Variants in TENM4 observed in about 807,000 individuals in gnomAD.
TENM4 encodes teneurin transmembrane protein 4.
A neutral mutation model predicts 243.3 loss-of-function variants in TENM4; 82 were observed. That is an observed-to-expected ratio of 0.34 (90% confidence interval 0.28 to 0.40). The LOEUF (loss-of-function observed/expected upper bound fraction) is 0.40. Ranked by LOEUF, TENM4 falls within the 10% of genes least tolerant of loss-of-function variation. The pLI is 1.00. For synonymous variants in TENM4, 1,412 were observed against 1,456.3 expected (o/e 0.97, Z 0.69); for missense variants, 3,138 against 3,673.3 (o/e 0.85, Z 3.77).
chr11:78,803,218 C>G (rs1365856621), intron 15 of TENM4, among the ~76,000 whole-genome samples: 2 of 151,966 alleles, frequency 1.3e-5, no homozygotes, highest in African/African-American at 4.8e-5. Context: ...TTAGTGGAGA[C>G]GGGGTTTCAC....
intron 1 of TENM4, among the ~76,000 whole-genome samples, chr11:79,422,917 C>A (rs1364550620): frequency 6.6e-6 from 1 of 152,106 alleles, no homozygotes; most frequent in Non-Finnish European, 1.5e-5. Context: ...TCTGATAGGC[C>A]GACTTATTTT....
chr11:79,151,127 T>C (rs962400998), intron 3 of TENM4, among the ~76,000 whole-genome samples: 7 of 152,204 alleles, frequency 4.6e-5, no homozygotes, highest in African/African-American at 1.7e-4. Flanking sequence ...TCTTCCACGA[T>C]GTCATGGATT....
chr11:78,912,597 A>G (rs1856214732), intron 6 of TENM4, among the ~76,000 whole-genome samples: 1 of 152,182 alleles, frequency 6.6e-6, no homozygotes, highest in African/African-American at 2.4e-5. Context: ...ATAAGAGTGA[A>G]CCAGAACTCC....
intron 6 of TENM4, among the ~76,000 whole-genome samples, chr11:79,047,031 C>G (rs897728859): frequency 1.3e-5 from 2 of 152,180 alleles, no homozygotes; most frequent in African/African-American, 2.4e-5. Context: ...CCTGATTACA[C>G]AGAGATAGAT....
chr11:79,321,579 T>C (rs1461692092), intron 1 of TENM4, among the ~76,000 whole-genome samples: 1 of 141,628 alleles, frequency 7.1e-6, no homozygotes, highest in Non-Finnish European at 1.5e-5. Context: ...GCAGGCGATC[T>C]CAGTTCAAAC....
At chr11:79,160,483 C>A (rs763689693) in intron 3 of TENM4, among the ~76,000 whole-genome samples, 44 of 151,982 alleles carry the variant, frequency 2.9e-4, no homozygotes, top group Non-Finnish European at 1.3e-4. Flanking sequence ...GACTTTGCAA[C>A]CTGGGGTGCA....
intron 1 of TENM4, among the ~76,000 whole-genome samples, chr11:79,343,416 G>T (rs116515109): frequency 2.5e-3 from 374 of 152,322 alleles, no homozygotes; most frequent in African/African-American, 8.3e-3. Context: ...TGGCTCCAGA[G>T]CCTGAGCTTT....
intron 4 of TENM4, among the ~76,000 whole-genome samples, chr11:79,126,924 T>A (rs374268221): frequency 5.8e-4 from 89 of 152,342 alleles, no homozygotes; most frequent in Non-Finnish European, 8.7e-4. Flanking sequence ...TACTGGACAC[T>A]GGCTCTGAGC....
intron 3 of TENM4, among the ~76,000 whole-genome samples, chr11:79,196,076 C>T (rs939214068): frequency 1.3e-5 from 2 of 152,120 alleles, no homozygotes; most frequent in South Asian, 2.1e-4. Flanking sequence ...GTCTTGCTGC[C>T]GCCATGTTAG....
intron 19 of TENM4, among the ~76,000 whole-genome samples, chr11:78,747,900 G>A (rs1856088164): frequency 1.3e-5 from 2 of 152,270 alleles, no homozygotes; most frequent in Middle Eastern, 3.4e-3. Flanking sequence ...TGAGATATAC[G>A]AACCTTCACT....
chr11:78,767,768 CT>C (rs2135985981), intron 18 of TENM4, among the ~76,000 whole-genome samples: 1 of 152,330 alleles, frequency 6.6e-6, no homozygotes, highest in African/African-American at 2.4e-5. Flanking sequence ...AATGATTTAT[CT>C]TGGATTATGC....
At chr11:78,999,282 G>A (rs754881303) in intron 6 of TENM4, among the ~76,000 whole-genome samples, 1 of 152,172 alleles carries the variant, frequency 6.6e-6, no homozygotes, top group Non-Finnish European at 1.5e-5. Context: ...GGGAGGCTGA[G>A]GTGGGTGGAT....
chr11:79,062,389 G>A (rs1045532474), intron 6 of TENM4, among the ~76,000 whole-genome samples: 10 of 151,318 alleles, frequency 6.6e-5, no homozygotes, highest in Non-Finnish European at 1.2e-4. Context: ...ATTTAGCTCA[G>A]CTAGACCCAA....
At chr11:79,207,130 T>C (rs1863864516) in intron 3 of TENM4, among the ~76,000 whole-genome samples, 1 of 151,170 alleles carries the variant, frequency 6.6e-6, no homozygotes, top group Middle Eastern at 3.4e-3. Context: ...GCCTGTGGGG[T>C]CGGGGCAGGC....
rs141630960 is a variant in TENM4, at chr11:78,978,862, T to G, written c.494-75339A>C. 3.3e-3 allele frequency among the ~76,000 whole-genome samples: 503 copies of G among 152,160 alleles called. 9 individuals carry two copies. Among genetic ancestry groups the G allele is most frequent in the Non-Finnish European group, 7.2e-4 (49 of 68,012 alleles). On this transcript the variant is annotated intron_variant, in intron 6 of 33. Coordinates refer to ENST00000278550, the MANE Select transcript of TENM4 (RefSeq NM_001098816.3). Reference sequence around the variant, plus strand: ...TGACTGCTGCTAACAAAACAGGGTTTCTTGCTTTCTGGAGTGGAGGGCACT... The same window carrying G: ...TGACTGCTGCTAACAAAACAGGGTTGCTTGCTTTCTGGAGTGGAGGGCACT...
intron 23 of TENM4, among the ~76,000 whole-genome samples, chr11:78,725,547 G>C (rs191800802): frequency 6.6e-6 from 1 of 152,288 alleles, no homozygotes; most frequent in Admixed American, 6.5e-5. Context: ...TTTGTCTTTT[G>C]CTGTTCCCTT....
chr11:78,724,695 C>T (rs1855475209), intron 23 of TENM4, among the ~76,000 whole-genome samples: 1 of 152,226 alleles, frequency 6.6e-6, no homozygotes, highest in Non-Finnish European at 1.5e-5. Context: ...GGGCACGTGA[C>T]TGCCTGGAAC....
At chr11:79,000,391 TA>T (rs1858285716) in intron 6 of TENM4, among the ~76,000 whole-genome samples, 1 of 152,162 alleles carries the variant, frequency 6.6e-6, no homozygotes. Flanking sequence ...TTAATATCTT[TA>T]AAAAATATAA....
intron 1 of TENM4, among the ~76,000 whole-genome samples, chr11:79,358,934 T>C (rs1050440016): frequency 3.4e-5 from 5 of 146,126 alleles, no homozygotes; most frequent in African/African-American, 1.3e-4. Flanking sequence ...GCAAACTTTT[T>C]TTTAAGTAAA....
Sources: gnomAD v4.1 joint callset for allele counts (sites outside exome capture counted in the v4.1 genomes callset) on GRCh38, gnomAD v4.1.1 for gene constraint, MANE v1.5 for transcripts, NCBI Gene and HGNC (gene_info 2026-07-23, HGNC 2026-07-21) for gene names.